Variants in PARD3B observed in about 807,000 individuals in gnomAD.
The protein encoded by PARD3B is partitioning defective 3 homolog B.
PARD3B carries 103 observed loss-of-function variants against 130.2 expected under a neutral mutation model. That is an observed-to-expected ratio of 0.79 (90% confidence interval 0.67 to 0.93). PARD3B has a LOEUF of 0.93. Among genes scored for constraint, PARD3B ranks in the 40% least tolerant of loss-of-function variants. The probability of loss-of-function intolerance (pLI) is 0.00; values close to 1 mark genes in which losing one functional copy is unlikely to be tolerated. For synonymous variants in PARD3B, 583 were observed against 553.2 expected, an observed-to-expected ratio of 1.05 and a Z score of -0.76; for missense variants, 1,609 against 1,499.2, an observed-to-expected ratio of 1.07 and a Z score of -1.21.
intron 3 of PARD3B, among the ~76,000 whole-genome samples, chr2:205,027,315 A>G (rs1697105492): frequency 6.6e-6 from 1 of 152,014 alleles, no homozygotes; most frequent in Non-Finnish European, 1.5e-5. Flanking sequence ...ATGATTAGTG[A>G]TGTTGTGCAC....
intron 22 of PARD3B, among the ~76,000 whole-genome samples, chr2:205,578,658 T>A (rs2053853617): frequency 6.6e-6 from 1 of 152,256 alleles, no homozygotes; most frequent in Non-Finnish European, 1.5e-5. Context: ...CAAAATGGAC[T>A]GGCCCAAAGC....
intron 2 of PARD3B, among the ~76,000 whole-genome samples, chr2:204,761,608 A>AT (rs2040900131): frequency 1.3e-5 from 2 of 152,150 alleles, no homozygotes; most frequent in Admixed American, 1.3e-4. Context: ...CAAAAAAAAA[A>AT]AATAGATTTT....
At chr2:205,003,318 T>C (rs1236549469) in intron 3 of PARD3B, among the ~76,000 whole-genome samples, 1 of 152,094 alleles carries the variant, frequency 6.6e-6, no homozygotes, top group Admixed American at 6.5e-5. Flanking sequence ...TCTTAATTTC[T>C]CCATAATAGG....
chr2:205,147,978 G>C (rs982645740), intron 10 of PARD3B, among the ~76,000 whole-genome samples: 4 of 151,930 alleles, frequency 2.6e-5, no homozygotes, highest in Non-Finnish European at 5.9e-5. Flanking sequence ...AGAGATCATA[G>C]GGCTATACAG....
intron 2 of PARD3B, among the ~76,000 whole-genome samples, chr2:204,855,435 G>T (rs926598443): frequency 6.6e-6 from 1 of 151,650 alleles, no homozygotes; most frequent in Non-Finnish European, 1.5e-5. Context: ...TCAGCTACTC[G>T]AGAGGCTGAG....
In PARD3B at chr2:205,263,241, G is replaced by T. The variant is rs1312686348; in HGVS notation, c.2185+17419G>T. On this transcript the variant is annotated intron_variant, in intron 16 of 22. Transcript: ENST00000406610. This position sits in a 1 kb window ranked among gnomAD's most constrained non-coding sequence, Gnocchi z 4.0. ...CTTCTGTCTTCAGATTTTCCCTCTT[G>T]ATTGGCTCCTTCCTTTAATCCAAGG... is the stretch of plus-strand genomic sequence containing the variant. Among the ~76,000 whole-genome samples the T allele has an allele frequency of 6.6e-6, 1 of 151,964 alleles. No homozygotes were observed. Among genetic ancestry groups the T allele is most frequent in the African/African-American group, 2.4e-5 (1 of 41,382 alleles).
At chr2:205,106,684 T>C (rs1186854080) in intron 5 of PARD3B, among the ~76,000 whole-genome samples, 1 of 152,136 alleles carries the variant, frequency 6.6e-6, no homozygotes, top group Non-Finnish European at 1.5e-5. Flanking sequence ...ACATTCCTGT[T>C]GCGTGTACAT....
intron 2 of PARD3B, among the ~76,000 whole-genome samples, chr2:204,866,991 A>C (rs937019568): frequency 6.6e-6 from 1 of 152,080 alleles, no homozygotes; most frequent in African/African-American, 2.4e-5. Context: ...ATCTCCTGAA[A>C]CCAGGATGCA....
At chr2:204,637,339 G>C (rs2034920451) in intron 1 of PARD3B, among the ~76,000 whole-genome samples, 1 of 152,050 alleles carries the variant, frequency 6.6e-6, no homozygotes, top group Admixed American at 6.6e-5. Context: ...AGGCTTTTTT[G>C]AAGTCTTCAG....
At chr2:205,232,565 A>G (rs1036713433) in intron 15 of PARD3B, among the ~76,000 whole-genome samples, 22 of 152,232 alleles carry the variant, frequency 1.4e-4, no homozygotes, top group African/African-American at 5.3e-4. Flanking sequence ...ACATATAATA[A>G]GGAAAAAAAT....
chr2:204,807,938 C>G (rs1001904442), intron 2 of PARD3B, among the ~76,000 whole-genome samples: 2 of 151,770 alleles, frequency 1.3e-5, no homozygotes, highest in African/African-American at 4.8e-5. Flanking sequence ...TTATTGTACA[C>G]TTAAAAATAA....
intron 10 of PARD3B, among the ~76,000 whole-genome samples, chr2:205,149,237 C>G (rs891714116): frequency 6.6e-6 from 1 of 152,010 alleles, no homozygotes; most frequent in Non-Finnish European, 1.5e-5. Flanking sequence ...GAGGCCTGAC[C>G]AGGTAGACTC....
chr2:205,163,205 A>C (rs1253217944), intron 11 of PARD3B, among the ~76,000 whole-genome samples: 2 of 152,176 alleles, frequency 1.3e-5, no homozygotes, highest in African/African-American at 2.4e-5. Context: ...ACTTTGACCT[A>C]GTAAGGTAAG....
At chr2:204,584,070 G>C (rs2032711160) in intron 1 of PARD3B, among the ~76,000 whole-genome samples, 1 of 152,238 alleles carries the variant, frequency 6.6e-6, no homozygotes, top group Non-Finnish European at 1.5e-5. Flanking sequence ...CCAGGAATTT[G>C]TAGTTCACAG....
In PARD3B at chr2:204,901,273, G is replaced by T. The variant is rs114053959; in HGVS notation, c.223-63879G>T. Among the ~76,000 whole-genome samples, 836 of 152,048 alleles carry T rather than the reference G, an allele frequency of 5.5e-3. 5 individuals carry two copies. The highest frequency in any genetic ancestry group is 9.0e-3 in the Non-Finnish European group (613 of 67,946). On this transcript the variant is annotated intron_variant, in intron 2 of 22. Coordinates refer to ENST00000406610, the MANE Select transcript of PARD3B (RefSeq NM_001302769.2). ...TCAGAAACCTTAGAAATCTACCTGG[G>T]GCTCTATTCTATGGCAGCTGCACTG...
chr2:204,764,534 C>T (rs2041051429), intron 2 of PARD3B, among the ~76,000 whole-genome samples: 1 of 151,840 alleles, frequency 6.6e-6, no homozygotes, highest in African/African-American at 2.4e-5. Flanking sequence ...CCATTTCCTT[C>T]CTCCTCTCTC....
At chr2:204,998,516 G>GTATATA (rs1255594298) in intron 3 of PARD3B, among the ~76,000 whole-genome samples, 31 of 31,502 alleles carry the variant, frequency 9.8e-4, no homozygotes, top group Non-Finnish European at 2.1e-3. Context: ...ATATATATAT[G>GTATATA]TGTGTGTATA....
At chr2:204,645,551 C>T (rs2035243051) in intron 1 of PARD3B, among the ~76,000 whole-genome samples, 1 of 152,118 alleles carries the variant, frequency 6.6e-6, no homozygotes, top group Non-Finnish European at 1.5e-5. Flanking sequence ...CAACTTTAGG[C>T]CTCTTAAACC....
intron 1 of PARD3B, among the ~76,000 whole-genome samples, chr2:204,679,007 A>T (rs1025631383): frequency 1.3e-5 from 2 of 152,118 alleles, no homozygotes; most frequent in African/African-American, 4.8e-5. Context: ...ATTGTGAATT[A>T]ATTATGCCTC....
Sources: gnomAD v4.1 joint callset for allele counts (sites outside exome capture counted in the v4.1 genomes callset) on GRCh38, gnomAD v4.1.1 for gene constraint, Gnocchi (gnomAD v3.1) non-coding constraint, MANE v1.5 for transcripts, NCBI Gene and HGNC (gene_info 2026-07-23, HGNC 2026-07-21) for gene names.